CMC1: variants seen among roughly 807,000 people sequenced by gnomAD.
CMC1 encodes the protein C-X9-C motif containing 1.
Under a neutral mutation model 14.1 loss-of-function variants are expected in CMC1, and 14 were observed. The ratio of observed to expected loss-of-function variants is 0.99; its 90% confidence interval spans 0.66 to 1.55. CMC1 has a LOEUF of 1.55. Ranked by LOEUF, CMC1 falls within the 40% of genes most tolerant of loss-of-function variation. CMC1 has a pLI of 0.00. For missense variants in CMC1, 127 were observed against 123.8 expected (o/e 1.03, Z -0.12); for synonymous variants, 50 against 38.4 (o/e 1.30, Z -1.12).
chr3:28,309,929 A>C (rs1577093008), intron 2 of CMC1, among the ~76,000 whole-genome samples: 3 of 110,362 alleles, frequency 2.7e-5, no homozygotes, highest in African/African-American at 7.4e-5. Context: ...TTTCTCCTCC[A>C]CCTGACGTCC....
chr3:28,271,219 G>C (rs558730543), intron 2 of CMC1, among the ~76,000 whole-genome samples: 1 of 152,238 alleles, frequency 6.6e-6, no homozygotes, highest in East Asian at 1.9e-4. Flanking sequence ...TCCAACCTCA[G>C]CTTCCTAAGT....
Position 28,241,703 on chromosome 3 carries a change from A to C in CMC1, c.-91A>C, listed in dbSNP as rs1576952039. On this transcript the variant is annotated 5_prime_UTR_variant, in exon 1 of 4. Coordinates refer to ENST00000466830, the MANE Select transcript of CMC1 (RefSeq NM_182523.2). ...GTTGCGGGAAGCTCCCGGGGGTCGCACGTGCGTCCGAGCCCAAGCCCCTCC... is the reference window on the plus strand; with the variant it reads ...GTTGCGGGAAGCTCCCGGGGGTCGCCCGTGCGTCCGAGCCCAAGCCCCTCC... 8.1e-7 allele frequency: 1 copy of C among 1,237,124 alleles called. No individual in the cohort carries two copies. Among genetic ancestry groups the C allele is most frequent in the Non-Finnish European group, 1.0e-6 (1 of 987,730 alleles). 76.6% of individuals were successfully genotyped at this position (1,237,124 alleles called of 1,614,324 possible).
Position 28,303,013 on chromosome 3 carries a change from G to A in CMC1, c.110-13320G>A, listed in dbSNP as rs539260611. Among the ~76,000 whole-genome samples, 7 of 152,232 alleles carry A rather than the reference G, an allele frequency of 4.6e-5. No individual in the cohort carries two copies. In the South Asian group the frequency reaches 1.5e-3, roughly 32 times the overall value. On this transcript the variant is annotated intron_variant, in intron 2 of 3. Transcript: ENST00000466830. ...CCTGGTTCTAAACCAATCTATGTAT[G>A]CCACACTAATCTTGGAAATATGATG... is the stretch of plus-strand genomic sequence containing the variant.
intron 2 of CMC1, among the ~76,000 whole-genome samples, chr3:28,277,124 A>G (rs1435532944): frequency 6.6e-6 from 1 of 152,190 alleles, no homozygotes; most frequent in African/African-American, 2.4e-5. Context: ...AATCCTATAA[A>G]TCAGCAGTTT....
rs1703186355 is a variant in CMC1, at chr3:28,321,421, T to G, written c.*1792T>G. 6.6e-6 allele frequency: 1 copy of G among 151,394 alleles called. No individual in the cohort carries two copies. Among genetic ancestry groups the G allele is most frequent in the African/African-American group, 2.4e-5 (1 of 41,338 alleles). The allele number at this position is 151,394 out of a possible 1,614,324, so 9.4% of individuals were successfully genotyped here. ...GTTGCTTTCCCCATAGAAGCCAGAT[T>G]AGATTACACAGTATAAATAATATGT... is the stretch of plus-strand genomic sequence containing the variant. On this transcript the variant is annotated 3_prime_UTR_variant, in exon 4 of 4. Transcript: ENST00000466830.
chr3:28,269,198 G>A (rs1024870805), intron 2 of CMC1, among the ~76,000 whole-genome samples: 3 of 152,106 alleles, frequency 2.0e-5, no homozygotes, highest in Non-Finnish European at 4.4e-5. Context: ...GGCTTAGAAC[G>A]TATCCCCCAT....
chr3:28,308,006 C>A (rs1041836400), intron 2 of CMC1, among the ~76,000 whole-genome samples: 5 of 152,180 alleles, frequency 3.3e-5, no homozygotes, highest in Non-Finnish European at 5.9e-5. Flanking sequence ...CATCTCATCT[C>A]TTTTCTCCTG....
Position 28,325,008 on chromosome 3 carries a change from A to G in CMC1, c.*5379A>G, listed in dbSNP as rs560456100. On this transcript the variant is annotated 3_prime_UTR_variant, in exon 4 of 4. Transcript: ENST00000466830. ...TTTTTAATTGGTGAGACCCAAATGA[A>G]GTTTTTATATATCAAAGGCTTTTAT... 2 of 150,914 alleles carry G rather than the reference A, an allele frequency of 1.3e-5. No homozygotes were observed. The highest frequency in any genetic ancestry group is 4.1e-4 in the South Asian group (2 of 4,832). The allele number at this position is 150,914 out of a possible 1,614,324, so 9.3% of individuals were successfully genotyped here.
chr3:28,244,887 GT>G (rs34300975), intron 1 of CMC1, among the ~76,000 whole-genome samples: 36,809 of 142,744 alleles, frequency 0.26, 4,717 homozygotes, highest in Middle Eastern at 0.32. Context: ...AAGTAGGAAG[GT>G]TTTTTTTTTT....
At position 28,324,513 on chromosome 3, in the gene CMC1, G is replaced by T; in HGVS notation, c.*4884G>T. The stretch of plus-strand genomic sequence containing the variant: ...CATTACATTTGTGATCATAAAATTC[G>T]ATAACACTTCACCAATTTGAATTCT... On this transcript the variant is annotated 3_prime_UTR_variant, in exon 4 of 4. Coordinates refer to ENST00000466830, the MANE Select transcript of CMC1 (RefSeq NM_182523.2). The T allele has an allele frequency of 2.9e-6, 4 of 1,359,402 alleles. No individual in the cohort carries two copies. Among genetic ancestry groups the T allele is most frequent in the Admixed American group, 2.6e-5 (1 of 38,796 alleles). The allele number at this position is 1,359,402 out of a possible 1,614,324, so 84.2% of individuals were successfully genotyped here.
Position 28,288,570 on chromosome 3 carries a change from A to C in CMC1, c.109+25190A>C, listed in dbSNP as rs181908109. ...AATAATTTTAGGTTTTATAGTTACT[A>C]TTGAAGGTAAATGTACAACTGCAAC... On this transcript the variant is annotated intron_variant, in intron 2 of 3. Transcript: ENST00000466830. 8.3e-4 allele frequency among the ~76,000 whole-genome samples: 127 copies of C among 152,160 alleles called. 1 individual carries two copies. Among genetic ancestry groups the C allele is most frequent in the African/African-American group, 3.0e-3 (124 of 41,564 alleles).
chr3:28,295,250 G>A (rs549919685), intron 2 of CMC1, among the ~76,000 whole-genome samples: 6 of 152,112 alleles, frequency 3.9e-5, no homozygotes, highest in East Asian at 1.9e-4. Flanking sequence ...TTACATTAGC[G>A]TTAGTAGCTA....
chr3:28,282,759 T>C (rs1438971291), intron 2 of CMC1, among the ~76,000 whole-genome samples: 1 of 152,212 alleles, frequency 6.6e-6, no homozygotes, highest in African/African-American at 2.4e-5. Flanking sequence ...ATGATCTGTT[T>C]ACATTTAACT....
intron 2 of CMC1, among the ~76,000 whole-genome samples, chr3:28,294,124 C>T (rs1465210617): frequency 6.6e-6 from 1 of 152,072 alleles, no homozygotes; most frequent in Non-Finnish European, 1.5e-5. Flanking sequence ...GTAGAAAGTG[C>T]TGTAACAGGA....
chr3:28,306,558 A>G (rs1485059436), intron 2 of CMC1, among the ~76,000 whole-genome samples: 1 of 152,140 alleles, frequency 6.6e-6, no homozygotes, highest in Non-Finnish European at 1.5e-5. Context: ...GTCATTTATC[A>G]ATGCAGTAGT....
chr3:28,277,746 A>G (rs1164299973), intron 2 of CMC1, among the ~76,000 whole-genome samples: 1 of 152,152 alleles, frequency 6.6e-6, no homozygotes, highest in Non-Finnish European at 1.5e-5. Context: ...ATGTGCAAAG[A>G]CCCTGAGGTG....
chr3:28,290,449 A>C (rs1308908509), intron 2 of CMC1, among the ~76,000 whole-genome samples: 1 of 152,110 alleles, frequency 6.6e-6, no homozygotes, highest in Non-Finnish European at 1.5e-5. Context: ...GTATTTTATG[A>C]CATTAAATGT....
chr3:28,304,551 T>C (rs1019465386), intron 2 of CMC1, among the ~76,000 whole-genome samples: 2 of 152,158 alleles, frequency 1.3e-5, no homozygotes, highest in African/African-American at 2.4e-5. Flanking sequence ...ACATAAAAAC[T>C]GTTGGGTGAT....
At chr3:28,303,361 A>C (rs1271015040) in intron 2 of CMC1, among the ~76,000 whole-genome samples, 3 of 152,148 alleles carry the variant, frequency 2.0e-5, no homozygotes, top group Non-Finnish European at 4.4e-5. Context: ...GTTTTCCATC[A>C]TGTATGTTCC....
Sources: gnomAD v4.1 joint callset for allele counts (sites outside exome capture counted in the v4.1 genomes callset) on GRCh38, gnomAD v4.1.1 for gene constraint, MANE v1.5 for transcripts, NCBI Gene and HGNC (gene_info 2026-07-23, HGNC 2026-07-21) for gene names.